The following TUSC3 variants were observed in gnomAD, a reference collection of about 807,000 sequenced individuals.
TUSC3 encodes the protein tumor suppressor candidate 3, also known as dolichyl-diphosphooligosaccharide--protein glycosyltransferase subunit TUSC3.
TUSC3 carries 45 observed loss-of-function variants against 44.8 expected under a neutral mutation model. That is an observed-to-expected ratio of 1.00 (90% CI 0.79 to 1.29). TUSC3 has a LOEUF of 1.29. TUSC3 is among the 50% of genes most tolerant of loss of function. The pLI is 0.00. For synonymous variants in TUSC3, 212 were observed against 152.9 expected (o/e 1.39, Z -2.85); for missense variants, 519 against 437.9 (o/e 1.19, Z -1.65).
rs373565575 is a variant in TUSC3, at chr8:15,573,202, C to CTA, written c.138+32661_138+32662dup. On this transcript the variant is annotated intron_variant, in intron 1 of 10. Coordinates refer to ENST00000503731, the MANE Select transcript of TUSC3 (RefSeq NM_006765.4). Reference sequence around the variant, plus strand: ...TCTCTCTCTCTCTCTCTCTCTCTCTCTATATATATATATATATATATATAT... The same window carrying CTA: ...TCTCTCTCTCTCTCTCTCTCTCTCTCTATATATATATATATATATATATATAT... Among the ~76,000 whole-genome samples, 520 of 74,034 alleles carry CTA rather than the reference C, an allele frequency of 7.0e-3. 3 individuals are homozygous for CTA. The highest frequency in any genetic ancestry group is 7.9e-3 in the Non-Finnish European group (326 of 41,516). 48.6% of individuals were successfully genotyped at this position (74,034 alleles called of 152,430 possible). A position where few individuals can be genotyped will look rare whatever the true frequency, so the allele number is the denominator to read the frequency against.
At chr8:15,634,260 G>T (rs1805962747) in intron 2 of TUSC3, among the ~76,000 whole-genome samples, 3 of 152,166 alleles carry the variant, frequency 2.0e-5, no homozygotes, top group Admixed American at 1.3e-4. Flanking sequence ...GGTTGGCAGT[G>T]CCTTCAGTGT....
chr8:15,467,738 A>G (rs1382077634), intron 1 of TUSC3, among the ~76,000 whole-genome samples: 1 of 152,156 alleles, frequency 6.6e-6, no homozygotes. Flanking sequence ...GTTCTTGGAT[A>G]TGTAATCAGT....
At chr8:15,756,395 G>GTTCTCAATAAAAAGTACTCACTTTCACTT (rs981434230) in intron 9 of TUSC3, among the ~76,000 whole-genome samples, 7 of 152,148 alleles carry the variant, frequency 4.6e-5, no homozygotes, top group African/African-American at 1.7e-4. Flanking sequence ...AATGTAGTAG[G>GTTCTCAATAAAAAGTACTCACTTTCACTT]TTCTCAATAA....
At chr8:15,732,653 C>T (rs1219701289) in intron 7 of TUSC3, among the ~76,000 whole-genome samples, 2 of 152,092 alleles carry the variant, frequency 1.3e-5, no homozygotes, top group Non-Finnish European at 2.9e-5. Context: ...TCTAGAGCAA[C>T]ATTTTTGAAC....
At chr8:15,735,179 G>A (rs1261130611) in intron 7 of TUSC3, among the ~76,000 whole-genome samples, 2 of 152,248 alleles carry the variant, frequency 1.3e-5, no homozygotes, top group East Asian at 3.9e-4. Flanking sequence ...TAGAGCAAAG[G>A]AAGCAGGAGT....
At chr8:15,464,452 A>C (rs957388152) in intron 1 of TUSC3, among the ~76,000 whole-genome samples, 1 of 152,204 alleles carries the variant, frequency 6.6e-6, no homozygotes, top group Non-Finnish European at 1.5e-5. Context: ...GAATCTAGGC[A>C]TAATAGGAAA....
chr8:15,436,811 G>A (rs6997043), intron 1 of TUSC3, among the ~76,000 whole-genome samples: 56 of 152,230 alleles, frequency 3.7e-4, no homozygotes, highest in African/African-American at 1.3e-3. Flanking sequence ...TAAAAATACA[G>A]AGGTTAACTC....
At chr8:15,746,449 A>C (rs1462044860) in intron 8 of TUSC3, among the ~76,000 whole-genome samples, 1 of 152,134 alleles carries the variant, frequency 6.6e-6, no homozygotes, top group African/African-American at 2.4e-5. Flanking sequence ...AATATTTCCC[A>C]GGTCAGAATG....
In TUSC3 at chr8:15,449,553, T is replaced by A. The variant is rs1201916594; in HGVS notation, n.91+32248T>A. Among the ~76,000 whole-genome samples, 5 of 152,144 alleles carry A rather than the reference T, an allele frequency of 3.3e-5. No homozygotes were observed. The South Asian group carries it at 6.2e-4, about 19-fold the overall frequency. ...GGTTAAAATCAGTGGTGGAGGACTT[T>A]TGAAACTGCTGGTTTCTCTTTAGCC... On this transcript the variant is annotated intron_variant and non_coding_transcript_variant, in intron 1 of 5. Transcript: ENST00000503191.
intron 1 of TUSC3, among the ~76,000 whole-genome samples, chr8:15,563,152 T>A (rs1032791389): frequency 6.6e-6 from 1 of 152,184 alleles, no homozygotes; most frequent in African/African-American, 2.4e-5. Flanking sequence ...GGGACAGTAT[T>A]ATTTAATATA....
chr8:15,735,760 C>T (rs543709297), intron 7 of TUSC3, among the ~76,000 whole-genome samples: 3 of 152,232 alleles, frequency 2.0e-5, no homozygotes, highest in African/African-American at 4.8e-5. Context: ...AGTGCAGTGG[C>T]GTGATCTCCG....
At chr8:15,524,842 G>A (rs1585075842) in intron 2 of TUSC3, among the ~76,000 whole-genome samples, 1 of 152,124 alleles carries the variant, frequency 6.6e-6, no homozygotes, top group African/African-American at 2.4e-5. Context: ...GAATACAGTT[G>A]TCTTTTATTA....
At chr8:15,444,658 G>T (rs1005323940) in intron 1 of TUSC3, among the ~76,000 whole-genome samples, 5 of 152,276 alleles carry the variant, frequency 3.3e-5, no homozygotes, top group African/African-American at 1.2e-4. Flanking sequence ...CATTTTAGAA[G>T]AGTGTACAGC....
intron 2 of TUSC3, among the ~76,000 whole-genome samples, chr8:15,628,539 C>T (rs963919812): frequency 6.6e-6 from 1 of 151,908 alleles, no homozygotes; most frequent in Non-Finnish European, 1.5e-5. Flanking sequence ...TTTAATGGGT[C>T]AGTGTCGGGG....
At chr8:15,575,997 T>G (rs192171253) in intron 1 of TUSC3, among the ~76,000 whole-genome samples, 4 of 152,188 alleles carry the variant, frequency 2.6e-5, no homozygotes, top group East Asian at 3.9e-4. Context: ...TATAACTGTT[T>G]CACATTTTGA....
intron 1 of TUSC3, among the ~76,000 whole-genome samples, chr8:15,601,654 G>C (rs1270294905): frequency 6.6e-6 from 1 of 151,566 alleles, no homozygotes; most frequent in Non-Finnish European, 1.5e-5. Flanking sequence ...CTATTCTGTA[G>C]CAATAGGGCC....
chr8:15,688,384 G>A (rs190786440), intron 6 of TUSC3, among the ~76,000 whole-genome samples: 31 of 149,098 alleles, frequency 2.1e-4, no homozygotes, highest in Admixed American at 4.7e-4. Flanking sequence ...TAAGTTTTTC[G>A]TAACCTTACA....
chr8:15,778,639 T>C, the TUSC3 span, among the ~76,000 whole-genome samples: 1 of 151,680 alleles, frequency 6.6e-6, no homozygotes, highest in African/African-American at 2.4e-5. Flanking sequence ...TCTTTATGTA[T>C]CACTTAGAAT....
the TUSC3 span, among the ~76,000 whole-genome samples, chr8:15,820,898 A>G: frequency 1.3e-5 from 2 of 152,178 alleles, no homozygotes; most frequent in African/African-American, 4.8e-5. Context: ...GTTGCAATGT[A>G]TGTAGATGTA....
Sources: allele counts gnomAD v4.1 joint callset (sites outside exome capture counted in the v4.1 genomes callset), GRCh38; gene constraint gnomAD v4.1.1; transcripts MANE v1.5; gene names NCBI Gene and HGNC (gene_info 2026-07-23, HGNC 2026-07-21).